The following TECPR1 variants were observed in gnomAD, a reference collection of about 807,000 sequenced individuals.
TECPR1 encodes tectonin beta-propeller repeat containing 1, also known as tectonin beta-propeller repeat-containing protein 1.
TECPR1 carries 122 observed loss-of-function variants against 162.4 expected under a neutral mutation model. That is an observed-to-expected ratio of 0.75 (90% CI 0.65 to 0.87). The LOEUF (loss-of-function observed/expected upper bound fraction) is 0.87. TECPR1 is among the 40% of genes least tolerant of loss of function. The pLI is 0.00. For missense variants in TECPR1, 1,432 were observed against 1,618.2 expected (o/e 0.88, Z 1.97); for synonymous variants, 642 against 670.6 (o/e 0.96, Z 0.66).
chr7:98,246,143 G>A lies in TECPR1; in HGVS notation c.4C>T (p.Pro2Ser). 6.5e-7 allele frequency: 1 copy of A among 1,541,614 alleles called. No individual in the cohort carries two copies. The highest frequency in any genetic ancestry group is 1.2e-5 in the South Asian group (1 of 83,922). The change falls in exon 3 of 26, where the codon CCC becomes TCC. Residue 2 changes from proline (P) to serine (S), a missense_variant. Physicochemically the swap from Pro to Ser is moderately conservative, Grantham distance 74. Coordinates refer to ENST00000447648, the MANE Select transcript of TECPR1 (RefSeq NM_015395.3). Reference sequence around the variant, plus strand: ...TCCACCGCCCACAGCACTGAGTTGGGCATGGCAGCGGCTGGAGGTAACCTG... The same window carrying A: ...TCCACCGCCCACAGCACTGAGTTGGACATGGCAGCGGCTGGAGGTAACCTG... M[P>S]NSVLWAVDLF...
chr7:98,224,920 C>T, intron 18 of TECPR1, 40 bp from the exon 19 acceptor site: 1 of 1,550,636 alleles, frequency 6.4e-7, no homozygotes, highest in Non-Finnish European at 8.7e-7. Context: ...CCCCCCGAAT[C>T]CAGAAGGCAG....
At chr7:98,237,000 C>G (rs919422239) in intron 9 of TECPR1, 79 bp from the exon 10 acceptor site, 31 of 1,411,306 alleles carry the variant, frequency 2.2e-5, no homozygotes, top group Non-Finnish European at 2.7e-5. Context: ...GTGCAAAATG[C>G]AGGCAGGGTC....
rs764338333 is a variant in TECPR1, at chr7:98,241,188, C to G, written c.714G>C (p.Leu238=). Residue 238 remains leucine, a synonymous_variant, in exon 7 of 26, where the codon CTG becomes CTC. Transcript: ENST00000447648. This position sits in a 1 kb window ranked among gnomAD's most constrained non-coding sequence, Gnocchi z 5.0. ...HSNPEGSSWS[L]LDTPGEVVQI... ...GAACCACCTCCCCGGGGGTGTCCAG[C>G]AGGGACCAGGAGGACCCTTCGGGGT... The G allele has an allele frequency of 1.9e-6, 3 of 1,612,888 alleles. No homozygotes were observed. In the Admixed American group the frequency reaches 5.0e-5, roughly 27 times the overall value.
rs780342397 is a variant in TECPR1, at chr7:98,217,354, G to GTCCCTACA, written c.*35_*36insTGTAGGGA. The GTCCCTACA allele has an allele frequency of 4.5e-5, 60 of 1,325,846 alleles. No individual in the cohort carries two copies. The Middle Eastern group carries it at 1.3e-3, about 29-fold the overall frequency. The allele number at this position is 1,325,846 out of a possible 1,614,324, so 82.1% of individuals were successfully genotyped here. A position where few individuals can be genotyped will look rare whatever the true frequency, so the allele number is the denominator to read the frequency against. ...TGGCTCAGCCTTGATCCCCCAAACT[G>GTCCCTACA]GGCACCGTCCCTGCATGTAGGTGTG... On this transcript the variant is annotated 3_prime_UTR_variant, in exon 26 of 26. Transcript: ENST00000447648.
At chr7:98,222,635 C>T in intron 21 of TECPR1, 114 bp from the exon 22 acceptor site, 2 of 1,311,462 alleles carry the variant, frequency 1.5e-6, no homozygotes, top group Non-Finnish European at 2.1e-6. Flanking sequence ...GGCTGGGGGA[C>T]AGCCGGGAGT....
At chr7:98,224,483 G>T (rs2291747) in intron 19 of TECPR1, among the ~76,000 whole-genome samples, 58,622 of 152,160 alleles carry the variant, frequency 0.39, 13,043 homozygotes, top group Middle Eastern at 0.62. Flanking sequence ...TGCCCTGGGT[G>T]CCACCATCTG....
rs1798725395 is a variant in TECPR1, at chr7:98,240,861, T to C, written c.923A>G (p.Lys308Arg). 6.2e-7 allele frequency: 1 copy of C among 1,603,992 alleles called. No homozygotes were observed. Among genetic ancestry groups the C allele is most frequent in the Non-Finnish European group, 8.5e-7 (1 of 1,177,542 alleles). The change falls in exon 8 of 26, where the codon AAG becomes AGG. Residue 308 changes from lysine to arginine, a missense_variant. Coordinates refer to ENST00000447648, the MANE Select transcript of TECPR1 (RefSeq NM_015395.3). Reference protein sequence around the residue: ...VGVSVVWAVTKDWKVWFRRGV... With the variant: ...VGVSVVWAVTRDWKVWFRRGV... ...TCATCCCCATCTTACCTTCCAGTCC[T>C]TGGTGACAGCCCAGACCACGCTGAC...
chr7:98,219,030 T>C (rs560218241), intron 23 of TECPR1, among the ~76,000 whole-genome samples: 3 of 152,212 alleles, frequency 2.0e-5, no homozygotes, highest in African/African-American at 7.2e-5. Flanking sequence ...GGTGCTGCTA[T>C]AAAAATAGAC....
At chr7:98,222,857 G>A in intron 21 of TECPR1, 133 bp downstream of exon 21, 2 of 1,244,822 alleles carry the variant, frequency 1.6e-6, no homozygotes, top group Admixed American at 2.0e-5. Context: ...CTGCCCCAGG[G>A]CACAGGGACC....
Position 98,233,441 on chromosome 7 carries a change from C to T in TECPR1, c.1652G>A (p.Arg551Lys). The T allele has an allele frequency of 4.1e-6, 6 of 1,460,646 alleles. No homozygotes were observed. Among genetic ancestry groups the T allele is most frequent in the Non-Finnish European group, 5.4e-6 (6 of 1,106,086 alleles). The allele number at this position is 1,460,646 out of a possible 1,614,324, so 90.5% of individuals were successfully genotyped here. A position where few individuals can be genotyped will look rare whatever the true frequency, so the allele number is the denominator to read the frequency against. ...CTTACCCGCCTGGACAGTGAACCATCTGGGCATGGCACATGCCTCCACCAC... is the reference window on the plus strand; with the variant it reads ...CTTACCCGCCTGGACAGTGAACCATTTGGGCATGGCACATGCCTCCACCAC... ...GCVVEACAMPRWFTVQAGLSS... is the reference protein window; with the variant it reads ...GCVVEACAMPKWFTVQAGLSS... Residue 551 changes from arginine to lysine, a missense_variant, in exon 11 of 26, where the codon AGA (arginine) becomes AAA (lysine). Transcript: ENST00000447648.
intron 11 of TECPR1, chr7:98,233,200 A>G: frequency 1.3e-6 from 1 of 784,640 alleles, no homozygotes; most frequent in Non-Finnish European, 1.9e-6. Context: ...AGACAGGGGA[A>G]GGGGCACTGG....
intron 2 of TECPR1, among the ~76,000 whole-genome samples, chr7:98,250,416 C>T (rs1404038574): frequency 2.6e-5 from 4 of 151,598 alleles, no homozygotes; most frequent in Admixed American, 6.6e-5. Context: ...TCGCTTGAGC[C>T]GAGGAGTTCA....
At chr7:98,229,353 A>G (rs1042491860) in intron 15 of TECPR1, among the ~76,000 whole-genome samples, 187 bp from the exon 16 acceptor site, 2 of 152,184 alleles carry the variant, frequency 1.3e-5, no homozygotes, top group Non-Finnish European at 2.9e-5. Context: ...GACTCAGCCC[A>G]CGAGAGGTGC....
chr7:98,233,420 C>T lies in TECPR1; in HGVS notation c.1672+1G>A. 6.9e-7 allele frequency: 1 copy of T among 1,439,990 alleles called. No individual in the cohort carries two copies. The highest frequency in any genetic ancestry group is 9.1e-7 in the Non-Finnish European group (1 of 1,094,940). The allele number at this position is 1,439,990 out of a possible 1,614,324, so 89.2% of individuals were successfully genotyped here. A position where few individuals can be genotyped will look rare whatever the true frequency, so the allele number is the denominator to read the frequency against. On this transcript the variant is annotated splice_donor_variant, in intron 11 of 25. Transcript: ENST00000447648. LOFTEE classifies it high-confidence loss of function. ...CCCCCAGGCCCTGCAGGAGCCCTTA[C>T]CCGCCTGGACAGTGAACCATCTGGG... is the stretch of plus-strand genomic sequence containing the variant.
At position 98,226,544 on chromosome 7, in the gene TECPR1, T is replaced by C; in HGVS notation, c.2514-1442A>G. On this transcript the variant is annotated intron_variant, in intron 17 of 25. Transcript: ENST00000447648. Reference sequence around the variant, plus strand: ...TGGAAGGCCACACCCCACATGCTAATTGCAGTTGCTGTCTTTGGCTGGTGA... The same window carrying C: ...TGGAAGGCCACACCCCACATGCTAACTGCAGTTGCTGTCTTTGGCTGGTGA... 2.9e-6 allele frequency: 3 copies of C among 1,041,168 alleles called. 1 individual carries two copies. Among genetic ancestry groups the C allele is most frequent in the Non-Finnish European group, 3.5e-6 (3 of 860,340 alleles). 64.5% of individuals were successfully genotyped at this position (1,041,168 alleles called of 1,614,324 possible). A position where few individuals can be genotyped will look rare whatever the true frequency, so the allele number is the denominator to read the frequency against.
In TECPR1 at chr7:98,217,500, C is replaced by T. The variant is rs1798041763; in HGVS notation, c.3388G>A (p.Gly1130Ser). The change falls in exon 26 of 26, where the codon GGC becomes AGC. Residue 1130 changes from glycine (G) to serine (S), a missense_variant. Transcript: ENST00000447648. ...GHGWDYGIGG[G>S]WDHISVRANA... ...GCCCGGACAGAGATATGGTCCCAGC[C>T]TCCCTGGAAGGAGAGAGCTGTGTCA... 3.7e-6 allele frequency: 6 copies of T among 1,602,654 alleles called. No homozygotes were observed. The highest frequency in any genetic ancestry group is 5.1e-6 in the Non-Finnish European group (6 of 1,175,284).
Position 98,241,209 on chromosome 7 carries a change from G to A in TECPR1, c.693C>T (p.Pro231=), listed in dbSNP as rs754612377. Reference sequence around the variant, plus strand: ...CCAGCAGGGACCAGGAGGACCCTTCGGGGTTGGAGTGGCTGACGTCCTCTC... The same window carrying A: ...CCAGCAGGGACCAGGAGGACCCTTCAGGGTTGGAGTGGCTGACGTCCTCTC... ...WYREDVSHSN[P]EGSSWSLLDT... The change falls in exon 7 of 26, where the codon CCC becomes CCT. Residue 231 remains proline (P), a synonymous_variant. Coordinates refer to ENST00000447648, the MANE Select transcript of TECPR1 (RefSeq NM_015395.3). This position sits in a 1 kb window ranked among gnomAD's most constrained non-coding sequence, Gnocchi z 5.0. 1.3e-5 allele frequency: 21 copies of A among 1,612,792 alleles called. No individual in the cohort carries two copies. In the South Asian group the frequency reaches 1.6e-4, roughly 13 times the overall value.
chr7:98,219,605 C>T (rs1475445029), intron 23 of TECPR1, among the ~76,000 whole-genome samples: 2 of 152,188 alleles, frequency 1.3e-5, no homozygotes, highest in African/African-American at 4.8e-5. Flanking sequence ...AGACATTTCT[C>T]AAAAGAAGAT....
intron 25 of TECPR1, 23 bp downstream of exon 25, chr7:98,217,669 C>A: frequency 2.0e-6 from 3 of 1,528,314 alleles, no homozygotes; most frequent in Non-Finnish European, 2.6e-6. Context: ...ATAACACAGC[C>A]CAAGGCCGCG....
Sources: allele counts gnomAD v4.1 joint callset (sites outside exome capture counted in the v4.1 genomes callset), GRCh38; gene constraint gnomAD v4.1.1; non-coding constraint Gnocchi (gnomAD v3.1); transcripts MANE v1.5; gene names NCBI Gene and HGNC (gene_info 2026-07-23, HGNC 2026-07-21).